RPH3AL: variants seen among roughly 807,000 people sequenced by gnomAD.
RPH3AL encodes rabphilin 3A like (without C2 domains).
A neutral mutation model predicts 43.1 loss-of-function variants in RPH3AL; 38 were observed. The ratio of observed to expected loss-of-function variants is 0.88; its 90% CI spans 0.68 to 1.15. The LOEUF is 1.15. Among genes scored for constraint, RPH3AL ranks in the 50% most tolerant of loss-of-function variants. RPH3AL has a pLI of 0.00. For missense variants in RPH3AL, 462 were observed against 423.2 expected, an observed-to-expected ratio of 1.09 and a Z score of -0.81; for synonymous variants, 189 against 176.3, an observed-to-expected ratio of 1.07 and a Z score of -0.57.
At position 290,275 on chromosome 17, in the gene RPH3AL, G is replaced by A. The variant is rs765011835; in HGVS notation, c.352-8421C>T. Among the ~76,000 whole-genome samples the A allele has an allele frequency of 4.6e-5, 7 of 152,192 alleles. No homozygotes were observed. Among genetic ancestry groups the A allele is most frequent in the Admixed American group, 2.6e-4 (4 of 15,292 alleles). ...GCCAAACCAGGGAGAGCCACACAGC[G>A]GGCAAGTGTCCGAGGAGGTGGGGTG... On this transcript the variant is annotated intron_variant, in intron 5 of 9. Coordinates refer to ENST00000331302, the MANE Select transcript of RPH3AL (RefSeq NM_006987.4). This position sits in a 1 kb window ranked among gnomAD's most constrained non-coding sequence, Gnocchi z 4.2.
At chr17:268,781 C>A (rs1329351507) in intron 6 of RPH3AL, among the ~76,000 whole-genome samples, 1 of 152,036 alleles carries the variant, frequency 6.6e-6, no homozygotes, top group Non-Finnish European at 1.5e-5. Flanking sequence ...CCAGACTGGT[C>A]TCAAACTCTG....
chr17:230,979 C>T (rs1398489464), intron 7 of RPH3AL, among the ~76,000 whole-genome samples: 1 of 152,190 alleles, frequency 6.6e-6, no homozygotes, highest in African/African-American at 2.4e-5. Context: ...AGCCATGGCA[C>T]CTGGCCTCTT....
chr17:332,169 TG>T, intron 2 of RPH3AL: 1 of 331,786 alleles, frequency 3.0e-6, no homozygotes, highest in South Asian at 2.4e-5. Context: ...TGGACAGGGC[TG>T]GTGGAGCTCT....
Position 213,157 on chromosome 17 carries a change from G to A in RPH3AL, c.*695C>T, listed in dbSNP as rs1486257808. 6.5e-6 allele frequency: 1 copy of A among 152,892 alleles called. No homozygotes were observed. Among genetic ancestry groups the A allele is most frequent in the Non-Finnish European group, 1.5e-5 (1 of 68,558 alleles). The allele number at this position is 152,892 out of a possible 1,614,324, so 9.5% of individuals were successfully genotyped here. A position where few individuals can be genotyped will look rare whatever the true frequency, so the allele number is the denominator to read the frequency against. The stretch of plus-strand genomic sequence containing the variant: ...TAATCCCACCTACTCAGGAGGCTGA[G>A]GTGAGAGAATCGCTTGAGCCCGGGA... On this transcript the variant is annotated 3_prime_UTR_variant, in exon 10 of 10. Transcript: ENST00000331302.
At chr17:244,193 C>CCCTTCCTCTATTGATCA (rs1227573721) in intron 7 of RPH3AL, among the ~76,000 whole-genome samples, 1 of 71,228 alleles carries the variant, frequency 1.4e-5, no homozygotes, top group Non-Finnish European at 3.1e-5. Flanking sequence ...CTATTGATTA[C>CCCTTCCTCTATTGATCA]CCTTCCTCTA....
At chr17:315,605 C>T (rs1555518520) in intron 5 of RPH3AL, among the ~76,000 whole-genome samples, 4,325 of 35,278 alleles carry the variant, frequency 0.12, 2 homozygotes, top group Middle Eastern at 0.23. Context: ...TCCACCTCCA[C>T]TGAACTCTAG....
Position 314,573 on chromosome 17 carries a change from G to A in RPH3AL, c.351+4847C>T, listed in dbSNP as rs539393038. Among the ~76,000 whole-genome samples the A allele has an allele frequency of 7.1e-4, 82 of 114,832 alleles. 1 individual carries two copies. The highest frequency in any genetic ancestry group is 1.1e-3 in the Non-Finnish European group (56 of 53,234). The allele number at this position is 114,832 out of a possible 152,430, so 75.3% of individuals were successfully genotyped here. A position where few individuals can be genotyped will look rare whatever the true frequency, so the allele number is the denominator to read the frequency against. Reference sequence around the variant, plus strand: ...GTAGTCTCTGTGCCCCACCTCCACTGACAGGCAGTCTCTGTGCTCCACCTC... The same window carrying A: ...GTAGTCTCTGTGCCCCACCTCCACTAACAGGCAGTCTCTGTGCTCCACCTC... On this transcript the variant is annotated intron_variant, in intron 5 of 9. Transcript: ENST00000331302.
intron 7 of RPH3AL, among the ~76,000 whole-genome samples, chr17:224,414 T>C (rs545248200): frequency 2.6e-5 from 4 of 152,216 alleles, no homozygotes; most frequent in Non-Finnish European, 5.9e-5. Flanking sequence ...CTGCCCAGAA[T>C]GCCCTGCCCA....
At chr17:269,714 C>A (rs1015968122) in intron 6 of RPH3AL, among the ~76,000 whole-genome samples, 1 of 152,238 alleles carries the variant, frequency 6.6e-6, no homozygotes, top group Non-Finnish European at 1.5e-5. Flanking sequence ...GGGCACTCAG[C>A]TCACATCTGC....
At chr17:284,741 C>T (rs546241347) in intron 5 of RPH3AL, among the ~76,000 whole-genome samples, 19 of 152,306 alleles carry the variant, frequency 1.2e-4, no homozygotes, top group African/African-American at 4.6e-4. Context: ...TCTGCCCCAT[C>T]GTAGTCAGCT....
At chr17:336,336 G>A (rs1453190956) in intron 1 of RPH3AL, among the ~76,000 whole-genome samples, 3 of 152,146 alleles carry the variant, frequency 2.0e-5, no homozygotes, top group Admixed American at 1.3e-4. Context: ...CTGTCTAAAC[G>A]CCCAAAGAAC....
chr17:275,775 G>A (rs972397296), intron 6 of RPH3AL, among the ~76,000 whole-genome samples: 3 of 152,168 alleles, frequency 2.0e-5, no homozygotes, highest in Admixed American at 6.5e-5. Context: ...TCAAGCTCCT[G>A]GGCTCAAGCA....
intron 1 of RPH3AL, among the ~76,000 whole-genome samples, chr17:338,080 T>A (rs1381354923): frequency 2.6e-5 from 4 of 152,186 alleles, no homozygotes; most frequent in Non-Finnish European, 5.9e-5. Context: ...CCCAGAGGCA[T>A]AGCTTGCTTT....
At chr17:265,402 T>G (rs1430163918) in intron 6 of RPH3AL, among the ~76,000 whole-genome samples, 2 of 152,210 alleles carry the variant, frequency 1.3e-5, no homozygotes, top group Non-Finnish European at 2.9e-5. Context: ...TTTTTTGTAT[T>G]GTAATATAAG....
chr17:234,196 A>G (rs765223733), intron 7 of RPH3AL, among the ~76,000 whole-genome samples: 63 of 1,838 alleles, frequency 0.034, 18 homozygotes, highest in South Asian at 0.083. Context: ...TTCCCTGAGC[A>G]GGGAGCGGCT....
intron 2 of RPH3AL, 67 bp from the exon 3 acceptor site, chr17:327,646 C>G (rs556058826): frequency 1.3e-4 from 127 of 981,610 alleles, no homozygotes; most frequent in Middle Eastern, 2.1e-4. Context: ...CAGACAGGTT[C>G]TCTGTGCCCT....
intron 5 of RPH3AL, among the ~76,000 whole-genome samples, chr17:308,770 G>A (rs2043563268): frequency 6.6e-6 from 1 of 152,144 alleles, no homozygotes. Context: ...GAGGTCCTCG[G>A]CCCACACTTT....
chr17:336,285 C>T (rs1031824295), intron 1 of RPH3AL, among the ~76,000 whole-genome samples: 26 of 152,172 alleles, frequency 1.7e-4, no homozygotes, highest in African/African-American at 4.8e-4. Flanking sequence ...TGTCAGGCGG[C>T]GCTGGGAGGA....
chr17:293,315 C>T (rs1388795457), intron 5 of RPH3AL, among the ~76,000 whole-genome samples: 1 of 152,240 alleles, frequency 6.6e-6, no homozygotes, highest in Admixed American at 6.5e-5. Flanking sequence ...AAGGCAACAG[C>T]ATCAGCTGTT....
Sources: allele counts gnomAD v4.1 joint callset (sites outside exome capture counted in the v4.1 genomes callset), GRCh38; gene constraint gnomAD v4.1.1; non-coding constraint Gnocchi (gnomAD v3.1); transcripts MANE v1.5; gene names NCBI Gene and HGNC (gene_info 2026-07-23, HGNC 2026-07-21).